UVRAG: variants seen among roughly 807,000 people sequenced by gnomAD.
UVRAG encodes the protein UV radiation resistance associated.
UVRAG carries 19 observed loss-of-function variants against 78.0 expected under a neutral mutation model. The ratio of observed to expected loss-of-function variants is 0.24; its 90% confidence interval spans 0.17 to 0.36. The LOEUF (loss-of-function observed/expected upper bound fraction) is 0.36. UVRAG is among the 10% of genes least tolerant of loss of function. The pLI, the probability that UVRAG is intolerant of heterozygous loss-of-function variation, is 1.00. For synonymous variants in UVRAG, 323 were observed against 324.6 expected, an observed-to-expected ratio of 1.00 and a Z score of 0.05; for missense variants, 740 against 853.8, an observed-to-expected ratio of 0.87 and a Z score of 1.66.
chr11:75,928,729 G>A (rs1755370569), intron 6 of UVRAG, among the ~76,000 whole-genome samples: 2 of 152,006 alleles, frequency 1.3e-5, no homozygotes, highest in South Asian at 4.1e-4. Flanking sequence ...CACGAGGTCA[G>A]GAGATTGAGA....
chr11:76,045,193 G>A (rs2134338901), intron 12 of UVRAG, among the ~76,000 whole-genome samples: 1 of 152,314 alleles, frequency 6.6e-6, no homozygotes, highest in East Asian at 1.9e-4. Flanking sequence ...ACTGAGGGCA[G>A]AGGTGCCAGC....
At chr11:76,112,994 G>A (rs1952106685) in intron 13 of UVRAG, among the ~76,000 whole-genome samples, 1 of 152,116 alleles carries the variant, frequency 6.6e-6, no homozygotes. Flanking sequence ...TTATGGGTGT[G>A]AGCCACCACA....
At chr11:75,839,759 T>C (rs1945865466) in intron 1 of UVRAG, among the ~76,000 whole-genome samples, 2 of 151,918 alleles carry the variant, frequency 1.3e-5, no homozygotes, top group Admixed American at 6.6e-5. Context: ...TATGAATATA[T>C]TCATCAGTAT....
At chr11:75,984,124 ATGAATTT>A (rs1205507064) in intron 8 of UVRAG, among the ~76,000 whole-genome samples, 1 of 152,164 alleles carries the variant, frequency 6.6e-6, no homozygotes, top group Admixed American at 6.5e-5. Flanking sequence ...AAACCATACT[ATGAATTT>A]TGAATTTTGA....
At chr11:76,116,931 A>G (rs746775706) in intron 14 of UVRAG, among the ~76,000 whole-genome samples, 1 of 152,214 alleles carries the variant, frequency 6.6e-6, no homozygotes, top group Non-Finnish European at 1.5e-5. Flanking sequence ...CTGGTCTTAG[A>G]TAGGACTCCT....
intron 13 of UVRAG, among the ~76,000 whole-genome samples, chr11:76,097,128 C>A (rs1267366306): frequency 6.6e-6 from 1 of 152,134 alleles, no homozygotes; most frequent in Admixed American, 6.6e-5. Context: ...CATTGCGTTT[C>A]CCTCCTTGTG....
chr11:76,013,294 A>G (rs572675806), intron 11 of UVRAG, among the ~76,000 whole-genome samples: 1 of 152,328 alleles, frequency 6.6e-6, no homozygotes, highest in East Asian at 1.9e-4. Context: ...AAAATAAACC[A>G]GGAATATTTA....
chr11:75,933,643 A>G (rs1337493184), intron 6 of UVRAG, among the ~76,000 whole-genome samples: 1 of 152,228 alleles, frequency 6.6e-6, no homozygotes, highest in Non-Finnish European at 1.5e-5. Flanking sequence ...AGGAGCTCAA[A>G]CAACTCTGGG....
At chr11:76,077,175 T>C (rs1025977284) in intron 13 of UVRAG, among the ~76,000 whole-genome samples, 4 of 148,872 alleles carry the variant, frequency 2.7e-5, no homozygotes, top group African/African-American at 7.3e-5. Flanking sequence ...ATATTATATA[T>C]ACACACACAC....
intron 6 of UVRAG, among the ~76,000 whole-genome samples, chr11:75,916,985 A>C (rs1947870675): frequency 6.6e-6 from 1 of 152,224 alleles, no homozygotes; most frequent in Non-Finnish European, 1.5e-5. Flanking sequence ...CTATAGGAGC[A>C]ATTGGGAATG....
chr11:75,854,107 CTGAA>C (rs1946229326), intron 2 of UVRAG, among the ~76,000 whole-genome samples: 1 of 152,148 alleles, frequency 6.6e-6, no homozygotes, highest in Admixed American at 6.5e-5. Flanking sequence ...TTGTATTCAT[CTGAA>C]TGATTAATGC....
intron 13 of UVRAG, among the ~76,000 whole-genome samples, chr11:76,087,310 C>G (rs189529081): frequency 1.4e-4 from 21 of 152,248 alleles, no homozygotes; most frequent in Non-Finnish European, 2.5e-4. Context: ...TAAAATTGAC[C>G]GGTGAGCAGT....
intron 6 of UVRAG, among the ~76,000 whole-genome samples, chr11:75,923,145 A>G (rs1014792853): frequency 6.6e-6 from 1 of 151,454 alleles, no homozygotes; most frequent in Admixed American, 6.6e-5. Flanking sequence ...AATATTTTAA[A>G]TAATTCTTTT....
chr11:76,055,223 T>G (rs1950957828), intron 12 of UVRAG, among the ~76,000 whole-genome samples: 1 of 152,096 alleles, frequency 6.6e-6, no homozygotes, highest in Admixed American at 6.6e-5. Flanking sequence ...AATTTTTGTA[T>G]TTTTAGTAGA....
intron 13 of UVRAG, among the ~76,000 whole-genome samples, chr11:76,095,928 A>G (rs1951779154): frequency 6.6e-6 from 1 of 151,422 alleles, no homozygotes. Context: ...GCTTTTACTG[A>G]GTAGCTCCTA....
chr11:76,030,475 T>G (rs1259279525), intron 12 of UVRAG, among the ~76,000 whole-genome samples: 1 of 152,180 alleles, frequency 6.6e-6, no homozygotes, highest in African/African-American at 2.4e-5. Flanking sequence ...AGATACGGGT[T>G]AGTGAATGCT....
chr11:76,063,658 A>G (rs1204202673), intron 12 of UVRAG, among the ~76,000 whole-genome samples: 2 of 152,196 alleles, frequency 1.3e-5, no homozygotes, highest in Non-Finnish European at 2.9e-5. Flanking sequence ...ATTGTATTGA[A>G]TCTTCATAGG....
intron 6 of UVRAG, among the ~76,000 whole-genome samples, chr11:75,944,363 T>C (rs1400863681): frequency 6.6e-6 from 1 of 152,176 alleles, no homozygotes; most frequent in East Asian, 1.9e-4. Context: ...TGATAAGGTA[T>C]GTCAGGATAG....
At chr11:75,818,920 T>G (rs1310861473) in intron 1 of UVRAG, among the ~76,000 whole-genome samples, 2 of 152,072 alleles carry the variant, frequency 1.3e-5, no homozygotes, top group African/African-American at 4.8e-5. Context: ...CATTTTGGAG[T>G]GAAGATGGGC....
Sources: allele counts gnomAD v4.1 joint callset (sites outside exome capture counted in the v4.1 genomes callset), GRCh38; gene constraint gnomAD v4.1.1; transcripts MANE v1.5; gene names NCBI Gene and HGNC (gene_info 2026-07-23, HGNC 2026-07-21).